Variants in PRDM16 observed in about 807,000 individuals in gnomAD.
PRDM16 encodes the protein histone-lysine N-methyltransferase PRDM16.
A neutral mutation model predicts 110.6 loss-of-function variants in PRDM16; 23 were observed. That is an observed-to-expected ratio of 0.21 (90% CI 0.15 to 0.29). The LOEUF (loss-of-function observed/expected upper bound fraction) is 0.29. PRDM16 is among the 10% of genes least tolerant of loss of function. The pLI is 1.00. For synonymous variants in PRDM16, 799 were observed against 781.8 expected (o/e 1.02, Z -0.37); for missense variants, 1,615 against 1,794.3 (o/e 0.90, Z 1.81).
At position 3,434,397 on chromosome 1, in the gene PRDM16, C is replaced by A. The variant is rs984985777; in HGVS notation, c.*586C>A. ...TGAAATTTGAGCTCATTTGCAAACC[C>A]GAGTCTGCCTGGGAACCCGCACTGT... On this transcript the variant is annotated 3_prime_UTR_variant, in exon 17 of 17. Coordinates refer to ENST00000270722, the MANE Select transcript of PRDM16 (RefSeq NM_022114.4). 12 of 232,190 alleles carry A rather than the reference C, an allele frequency of 5.2e-5. No individual in the cohort carries two copies. The highest frequency in any genetic ancestry group is 8.5e-5 in the Non-Finnish European group (10 of 117,570). 14.4% of individuals were successfully genotyped at this position (232,190 alleles called of 1,614,324 possible).
chr1:3,090,187 C>T lies in PRDM16; in HGVS notation c.37+20891C>T, dbSNP rs369022151. Among the ~76,000 whole-genome samples, 16 of 152,248 alleles carry T rather than the reference C, an allele frequency of 1.1e-4. No individual in the cohort carries two copies. In the East Asian group the frequency reaches 1.2e-3, roughly 11 times the overall value. ...AGCTTCTTGATGCCCAGATGCACCC[C>T]GAACGCCACCACGGGGCTGGTCCCC... On this transcript the variant is annotated intron_variant, in intron 1 of 16. Transcript: ENST00000270722.
intron 3 of PRDM16, among the ~76,000 whole-genome samples, chr1:3,256,526 G>C (rs997368129): frequency 6.6e-6 from 1 of 152,192 alleles, no homozygotes; most frequent in African/African-American, 2.4e-5. Context: ...ACAATGTACT[G>C]TCCACCTGTT....
chr1:3,118,430 T>C (rs1643018683), intron 1 of PRDM16, among the ~76,000 whole-genome samples: 2 of 152,148 alleles, frequency 1.3e-5, no homozygotes, highest in African/African-American at 4.8e-5. Flanking sequence ...GGACACTCCC[T>C]ACCCAGGACC....
chr1:3,092,683 G>A (rs564685352), intron 1 of PRDM16, among the ~76,000 whole-genome samples: 120 of 152,260 alleles, frequency 7.9e-4, no homozygotes, highest in African/African-American at 2.7e-3. Flanking sequence ...CCTGGGTGCG[G>A]GGAGCCTCCT....
At chr1:3,182,508 TG>T (rs1344694231) in intron 1 of PRDM16, among the ~76,000 whole-genome samples, 1 of 152,074 alleles carries the variant, frequency 6.6e-6, no homozygotes. Flanking sequence ...TGGGAGATGG[TG>T]GGGGTGGCCT....
intron 3 of PRDM16, among the ~76,000 whole-genome samples, chr1:3,277,489 A>G (rs995378386): frequency 2.0e-5 from 3 of 152,178 alleles, no homozygotes; most frequent in African/African-American, 7.2e-5. Context: ...TGCCTCTGTG[A>G]AGACAGGATC....
In PRDM16 at chr1:3,285,314, G is replaced by A. The variant is rs556054460; in HGVS notation, c.438+41177G>A. On this transcript the variant is annotated intron_variant, in intron 3 of 16. Coordinates refer to ENST00000270722, the MANE Select transcript of PRDM16 (RefSeq NM_022114.4). ...CTGGGCGTTCTGATTACCTCTCCAG[G>A]TGTGGCTGGGAAAGCAGCTCTGCCC... Among the ~76,000 whole-genome samples the A allele has an allele frequency of 2.6e-5, 4 of 152,276 alleles. No homozygotes were observed. The South Asian group carries it at 8.3e-4, about 32-fold the overall frequency.
chr1:3,344,204 G>T (rs552548038), intron 3 of PRDM16, among the ~76,000 whole-genome samples: 1 of 152,204 alleles, frequency 6.6e-6, no homozygotes, highest in East Asian at 1.9e-4. Flanking sequence ...CGGTTGCGAT[G>T]GTGCACCGTC....
chr1:3,341,524 G>A (rs987356480), intron 3 of PRDM16, among the ~76,000 whole-genome samples: 3 of 152,190 alleles, frequency 2.0e-5, no homozygotes, highest in Non-Finnish European at 4.4e-5. Flanking sequence ...GTGAAGCACA[G>A]ACAAAGAGGA....
intron 1 of PRDM16, among the ~76,000 whole-genome samples, chr1:3,181,192 A>ACACG (rs1644163966): frequency 1.4e-5 from 2 of 140,058 alleles, no homozygotes; most frequent in African/African-American, 5.5e-5. Flanking sequence ...ACGCAGTCTT[A>ACACG]CGGTCTTACA....
chr1:3,140,173 C>T lies in PRDM16; in HGVS notation c.38-45952C>T, dbSNP rs1481692006. Among the ~76,000 whole-genome samples, 4 of 152,270 alleles carry T rather than the reference C, an allele frequency of 2.6e-5. No individual in the cohort carries two copies. The East Asian group carries it at 5.8e-4, about 22-fold the overall frequency. On this transcript the variant is annotated intron_variant, in intron 1 of 16. Transcript: ENST00000270722. ...CAGCACCCGAAGTGGTCCCCGCTCC[C>T]CCGGCGGATGCAGCCCCCGGATGGC... is the stretch of plus-strand genomic sequence containing the variant.
At chr1:3,300,453 G>A (rs1324034918) in intron 3 of PRDM16, among the ~76,000 whole-genome samples, 1 of 151,300 alleles carries the variant, frequency 6.6e-6, no homozygotes, top group African/African-American at 2.4e-5. Context: ...ATGCTATGCT[G>A]TGGCCGTGAT....
chr1:3,128,238 C>T (rs2100676856), intron 1 of PRDM16, among the ~76,000 whole-genome samples: 1 of 152,288 alleles, frequency 6.6e-6, no homozygotes, highest in South Asian at 2.1e-4. Flanking sequence ...ACAAAGACCT[C>T]ACGTTTGACG....
intron 14 of PRDM16, among the ~76,000 whole-genome samples, chr1:3,429,963 G>A (rs932441077): frequency 1.3e-5 from 2 of 152,208 alleles, no homozygotes; most frequent in African/African-American, 2.4e-5. Flanking sequence ...CCAGGGCAGC[G>A]GGAGGCAGTG....
chr1:3,243,330 C>T lies in PRDM16; in HGVS notation c.388-757C>T, dbSNP rs1431960780. On this transcript the variant is annotated intron_variant, in intron 2 of 16. Coordinates refer to ENST00000270722, the MANE Select transcript of PRDM16 (RefSeq NM_022114.4). This position sits in a 1 kb window ranked among gnomAD's most constrained non-coding sequence, Gnocchi z 5.5. ...TGGGGGACATCCCCCTCCCAGGGAT[C>T]TGGATGGGAGTGAAGAGCCAGTTAA... Among the ~76,000 whole-genome samples, 7 of 152,088 alleles carry T rather than the reference C, an allele frequency of 4.6e-5. No individual in the cohort carries two copies. Among genetic ancestry groups the T allele is most frequent in the Non-Finnish European group, 1.0e-4 (7 of 68,008 alleles).
intron 2 of PRDM16, among the ~76,000 whole-genome samples, chr1:3,228,270 C>T (rs773338225): frequency 2.6e-5 from 4 of 152,216 alleles, no homozygotes; most frequent in Non-Finnish European, 4.4e-5. Flanking sequence ...ATAAACGAGA[C>T]GCCTTGAAAG....
At chr1:3,381,300 A>G (rs1643097344) in intron 3 of PRDM16, among the ~76,000 whole-genome samples, 2 of 152,070 alleles carry the variant, frequency 1.3e-5, no homozygotes, top group African/African-American at 4.8e-5. Flanking sequence ...GCTTGGAAGC[A>G]CTTAAAATAG....
At chr1:3,395,450 G>T (rs534417433) in intron 4 of PRDM16, among the ~76,000 whole-genome samples, 1 of 152,242 alleles carries the variant, frequency 6.6e-6, no homozygotes, top group East Asian at 1.9e-4. Context: ...TTTCCCTTGG[G>T]CCTCTCCCCA....
intron 1 of PRDM16, among the ~76,000 whole-genome samples, chr1:3,180,860 G>GGCCTTACACATGCAGTCTTACA (rs1644143481): frequency 6.7e-6 from 1 of 149,854 alleles, no homozygotes; most frequent in African/African-American, 2.5e-5. Flanking sequence ...GCAGTCTTAC[G>GGCCTTACACATGCAGTCTTACA]CACGGCCTTA....
Sources: allele counts gnomAD v4.1 joint callset (sites outside exome capture counted in the v4.1 genomes callset), GRCh38; gene constraint gnomAD v4.1.1; non-coding constraint Gnocchi (gnomAD v3.1); transcripts MANE v1.5; gene names NCBI Gene and HGNC (gene_info 2026-07-23, HGNC 2026-07-21).